PROK2: variants seen among roughly 807,000 people sequenced by gnomAD.
The protein encoded by PROK2 is prokineticin-2.
In PROK2, 8 loss-of-function variants were observed where a neutral mutation model predicts 14.2. The observed-to-expected ratio is 0.56, with a 90% CI of 0.33 to 1.02. The LOEUF is 1.02. PROK2 is among the 50% of genes least tolerant of loss of function. The pLI is 0.03. For synonymous variants in PROK2, 59 were observed against 60.7 expected (o/e 0.97, Z 0.13); for missense variants, 154 against 160.4 (o/e 0.96, Z 0.22).
chr3:71,775,975 A>G (rs1017829378), intron 2 of PROK2, among the ~76,000 whole-genome samples: 1 of 152,144 alleles, frequency 6.6e-6, no homozygotes, highest in African/African-American at 2.4e-5. Context: ...CCGAGCAGGC[A>G]AAACGTAACT....
rs1383195454 is a variant in PROK2, at chr3:71,772,494, A to G, written c.*230T>C. ...ATCAAACCAAAACACAAACAGGGAA[A>G]TAAGAACCAGTTCCATAATGCCTTA... On this transcript the variant is annotated 3_prime_UTR_variant, in exon 4 of 4. Coordinates refer to ENST00000295619, the MANE Select transcript of PROK2 (RefSeq NM_001126128.2). 2.1e-6 allele frequency: 1 copy of G among 474,874 alleles called. No homozygotes were observed. Among genetic ancestry groups the G allele is most frequent in the Admixed American group, 3.8e-5 (1 of 26,014 alleles). 29.4% of individuals were successfully genotyped at this position (474,874 alleles called of 1,614,324 possible).
intron 2 of PROK2, among the ~76,000 whole-genome samples, chr3:71,777,580 A>T (rs1044351118): frequency 3.3e-5 from 5 of 152,118 alleles, no homozygotes; most frequent in South Asian, 2.1e-4. Flanking sequence ...TGAAGTTTTT[A>T]AAAAAACCTG....
chr3:71,775,300 C>T (rs1434096600), intron 2 of PROK2, among the ~76,000 whole-genome samples: 2 of 152,178 alleles, frequency 1.3e-5, no homozygotes, highest in African/African-American at 4.8e-5. Flanking sequence ...CTGAGTGCTA[C>T]CTACATACCA....
At chr3:71,783,635 T>C (rs1378807149) in intron 1 of PROK2, among the ~76,000 whole-genome samples, 2 of 152,130 alleles carry the variant, frequency 1.3e-5, no homozygotes, top group African/African-American at 4.8e-5. Context: ...AAGATACTTA[T>C]ATTGCAAAGG....
At chr3:71,781,847 GA>G (rs1463381605) in intron 1 of PROK2, among the ~76,000 whole-genome samples, 3 of 151,976 alleles carry the variant, frequency 2.0e-5, no homozygotes, top group Non-Finnish European at 1.5e-5. Flanking sequence ...ATAAACATAA[GA>G]TTTTTTTTTA....
chr3:71,771,965 G>C lies in PROK2; in HGVS notation c.*759C>G, dbSNP rs1344886029. On this transcript the variant is annotated 3_prime_UTR_variant, in exon 4 of 4. Coordinates refer to ENST00000295619, the MANE Select transcript of PROK2 (RefSeq NM_001126128.2). ...AAGTAAATGTAATCTTTTATTTTTA[G>C]AAAAACCCAAACCTAGAAATCTGGA... is the stretch of plus-strand genomic sequence containing the variant. 1 of 152,144 alleles carries C rather than the reference G, an allele frequency of 6.6e-6. No individual in the cohort carries two copies. The highest frequency in any genetic ancestry group is 2.4e-5 in the African/African-American group (1 of 41,436). 9.4% of individuals were successfully genotyped at this position (152,144 alleles called of 1,614,324 possible). A position where few individuals can be genotyped will look rare whatever the true frequency, so the allele number is the denominator to read the frequency against.
chr3:71,785,029 T>G lies in PROK2; in HGVS notation c.24A>C (p.Pro8=), dbSNP rs2050202620. The G allele has an allele frequency of 8.0e-7, 1 of 1,243,960 alleles. No individual in the cohort carries two copies. Among genetic ancestry groups the G allele is most frequent in the Admixed American group, 4.2e-5 (1 of 23,792 alleles). 77.1% of individuals were successfully genotyped at this position (1,243,960 alleles called of 1,614,324 possible). ...GCGGCAGCAGCAAGAGGAGCAGGAG[T>G]GGGGCGCAGCACAGGCTCCTCATGG... The part of the protein sequence containing the change: MRSLCCA[P]LLLLLLLPPL... Residue 8 remains proline (P), a synonymous_variant, in exon 1 of 4, where the codon CCA becomes CCC. Transcript: ENST00000295619.
At chr3:71,778,588 T>G (rs946926125) in intron 2 of PROK2, among the ~76,000 whole-genome samples, 2 of 152,124 alleles carry the variant, frequency 1.3e-5, no homozygotes, top group Non-Finnish European at 2.9e-5. Context: ...AAAAAAAAAT[T>G]CTATATAGGG....
chr3:71,783,420 T>C (rs1429399688), intron 1 of PROK2, among the ~76,000 whole-genome samples: 1 of 152,138 alleles, frequency 6.6e-6, no homozygotes, highest in East Asian at 1.9e-4. Context: ...CATAACTATA[T>C]AATAAGCCCA....
intron 1 of PROK2, among the ~76,000 whole-genome samples, chr3:71,782,305 T>C (rs1462094352): frequency 6.6e-6 from 1 of 152,178 alleles, no homozygotes; most frequent in Non-Finnish European, 1.5e-5. Flanking sequence ...TAAACATATA[T>C]GTACATTACA....
chr3:71,772,580 T>C lies in PROK2; in HGVS notation c.*144A>G. ...TCGATAAAAAAAAAAAAAAATCATT[T>C]ACAAATCAAAGATAAAAATGTTACT... On this transcript the variant is annotated 3_prime_UTR_variant, in exon 4 of 4. Coordinates refer to ENST00000295619, the MANE Select transcript of PROK2 (RefSeq NM_001126128.2). 1.4e-6 allele frequency: 1 copy of C among 738,864 alleles called. No individual in the cohort carries two copies. The highest frequency in any genetic ancestry group is 2.7e-5 in the East Asian group (1 of 37,732). 45.8% of individuals were successfully genotyped at this position (738,864 alleles called of 1,614,324 possible).
At chr3:71,776,210 A>G (rs993961249) in intron 2 of PROK2, among the ~76,000 whole-genome samples, 2 of 152,096 alleles carry the variant, frequency 1.3e-5, no homozygotes, top group African/African-American at 4.8e-5. Flanking sequence ...ACCCTAACAT[A>G]ATGATTACAC....
chr3:71,781,643 G>A (rs1453355867), intron 1 of PROK2, 51 bp from the exon 2 acceptor site: 24 of 1,574,230 alleles, frequency 1.5e-5, no homozygotes, highest in Non-Finnish European at 2.0e-5. Context: ...AAAGACTCAG[G>A]CTAAGGAAAC....
At chr3:71,777,639 T>C (rs1488908246) in intron 2 of PROK2, among the ~76,000 whole-genome samples, 1 of 152,072 alleles carries the variant, frequency 6.6e-6, no homozygotes, top group Non-Finnish European at 1.5e-5. Context: ...AAAAACAAGA[T>C]TGTTTGAAGG....
chr3:71,785,032 G>A lies in PROK2; in HGVS notation c.21C>T (p.Ala7=). The change falls in exon 1 of 4, where the codon GCC becomes GCT. Residue 7 remains alanine, a synonymous_variant. Coordinates refer to ENST00000295619, the MANE Select transcript of PROK2 (RefSeq NM_001126128.2). MRSLCC[A]PLLLLLLLPP... is the part of the protein sequence containing the mutation. ...GCAGCAGCAAGAGGAGCAGGAGTGG[G>A]GCGCAGCACAGGCTCCTCATGGCGC... 1 of 1,242,936 alleles carries A rather than the reference G, an allele frequency of 8.0e-7. No homozygotes were observed. The highest frequency in any genetic ancestry group is 2.5e-4 in the Middle Eastern group (1 of 3,942). The allele number at this position is 1,242,936 out of a possible 1,614,324, so 77.0% of individuals were successfully genotyped here.
intron 2 of PROK2, among the ~76,000 whole-genome samples, chr3:71,776,647 G>T (rs2050122666): frequency 6.6e-6 from 1 of 151,922 alleles, no homozygotes; most frequent in African/African-American, 2.4e-5. Context: ...CAAAGTGTTG[G>T]GATTACAGAC....
chr3:71,778,144 C>CTTG (rs2050133587), intron 2 of PROK2, among the ~76,000 whole-genome samples: 1 of 151,504 alleles, frequency 6.6e-6, no homozygotes, highest in African/African-American at 2.4e-5. Context: ...TTGCAGTGAG[C>CTTG]CGAGATCACA....
intron 2 of PROK2, among the ~76,000 whole-genome samples, chr3:71,776,268 C>A (rs1559625105): frequency 6.6e-6 from 1 of 152,024 alleles, no homozygotes; most frequent in African/African-American, 2.4e-5. Flanking sequence ...TCATTCAAAC[C>A]CAGTTCACTC....
At chr3:71,783,875 C>T (rs762354989) in intron 1 of PROK2, among the ~76,000 whole-genome samples, 6 of 152,126 alleles carry the variant, frequency 3.9e-5, no homozygotes, top group Non-Finnish European at 8.8e-5. Flanking sequence ...CAAATGCTGT[C>T]ATAGCAAAAG....
Sources: gnomAD v4.1 joint callset for allele counts (sites outside exome capture counted in the v4.1 genomes callset) on GRCh38, gnomAD v4.1.1 for gene constraint, MANE v1.5 for transcripts, NCBI Gene and HGNC (gene_info 2026-07-23, HGNC 2026-07-21) for gene names.